CR1L: variants seen among roughly 807,000 people sequenced by gnomAD.
CR1L encodes complement C3b/C4b receptor 1 like.
Under a neutral mutation model 62.3 loss-of-function variants are expected in CR1L, and 59 were observed. That is an observed-to-expected ratio of 0.95 (90% CI 0.77 to 1.18). CR1L has a LOEUF of 1.18. CR1L is among the 50% of genes most tolerant of loss of function. The pLI, the probability that CR1L is intolerant of heterozygous loss-of-function variation, is 0.00. For synonymous variants in CR1L, 279 were observed against 248.7 expected (o/e 1.12, Z -1.15); for missense variants, 700 against 702.8 (o/e 1.00, Z 0.04).
chr1:207,707,002 T>C (rs1664277676), intron 9 of CR1L, among the ~76,000 whole-genome samples: 1 of 152,198 alleles, frequency 6.6e-6, no homozygotes, highest in African/African-American at 2.4e-5. Flanking sequence ...ATGAGTAGAC[T>C]GACTGTACAG....
intron 3 of CR1L, among the ~76,000 whole-genome samples, chr1:207,683,403 C>G (rs1289938728): frequency 6.6e-6 from 1 of 152,110 alleles, no homozygotes; most frequent in Non-Finnish European, 1.5e-5. Context: ...TCCAAACGTG[C>G]TGGGATTACA....
chr1:207,704,932 G>A (rs1282946164), intron 9 of CR1L, among the ~76,000 whole-genome samples: 12 of 152,160 alleles, frequency 7.9e-5, no homozygotes, highest in Admixed American at 7.2e-4. Context: ...CAAAATGGGT[G>A]GCTTAATACA....
Position 207,677,446 on chromosome 1 carries a change from A to T in CR1L, c.155A>T (p.Asp52Val), listed in dbSNP as rs373799944. Residue 52 changes from aspartate to valine, a missense_variant, in exon 2 of 12, where the codon GAC (aspartate) becomes GTC (valine). Physicochemically the swap from Asp to Val is radical, Grantham distance 152. Coordinates refer to ENST00000508064, the MANE Select transcript of CR1L (RefSeq NM_175710.2). ...GCCAGGCCTACCAACCTAACTGATG[A>T]CTTTGAGTTTCCCATTGGGACATAT... ...PFARPTNLTD[D>V]FEFPIGTYLN... 1,238 of 1,613,518 alleles carry T rather than the reference A, an allele frequency of 7.7e-4. 17 individuals are homozygous for T. In the South Asian group the frequency reaches 0.013, roughly 17 times the overall value.
chr1:207,669,491 C>A lies in CR1L; in HGVS notation c.98-7898C>A, dbSNP rs1421038999. On this transcript the variant is annotated intron_variant, in intron 1 of 11. Coordinates refer to ENST00000508064, the MANE Select transcript of CR1L (RefSeq NM_175710.2). The stretch of plus-strand genomic sequence containing the variant: ...AGCCGGGAGCCTGTTGGGCAGCCGG[C>A]GCCCGGTCTCCCCTTCTGCTGCGGA... The A allele has an allele frequency of 1.0e-5, 16 of 1,580,166 alleles. No homozygotes were observed. The Admixed American group carries it at 2.4e-4, about 24-fold the overall frequency.
At chr1:207,684,257 C>A (rs1663857666) in intron 4 of CR1L, among the ~76,000 whole-genome samples, 1 of 152,078 alleles carries the variant, frequency 6.6e-6, no homozygotes, top group Admixed American at 6.6e-5. Context: ...TAATAATCAT[C>A]CTGCTTGGCA....
At chr1:207,693,938 T>G (rs766316696) in intron 4 of CR1L, among the ~76,000 whole-genome samples, 1 of 152,178 alleles carries the variant, frequency 6.6e-6, no homozygotes, top group African/African-American at 2.4e-5. Flanking sequence ...TTTCCTACTG[T>G]GTATATTTGT....
chr1:207,694,914 A>T (rs1193963249), intron 5 of CR1L, among the ~76,000 whole-genome samples, 163 bp downstream of exon 5: 3 of 152,200 alleles, frequency 2.0e-5, no homozygotes, highest in Non-Finnish European at 4.4e-5. Context: ...GTACATGCAG[A>T]TGTGCTGAAA....
intron 4 of CR1L, among the ~76,000 whole-genome samples, chr1:207,692,520 C>A (rs201962807): frequency 1.7e-4 from 26 of 152,250 alleles, no homozygotes; most frequent in South Asian, 4.1e-4. Flanking sequence ...AGCGTCCCTG[C>A]CCTCTGTGCC....
chr1:207,703,365 G>T (rs915451503), intron 9 of CR1L, among the ~76,000 whole-genome samples: 5 of 152,156 alleles, frequency 3.3e-5, no homozygotes, highest in Admixed American at 1.3e-4. Flanking sequence ...AAGCCCTAGG[G>T]CCCTTAAGAA....
chr1:207,723,030 G>T (rs2102487119), intron 11 of CR1L, among the ~76,000 whole-genome samples: 1 of 152,214 alleles, frequency 6.6e-6, no homozygotes, highest in South Asian at 2.1e-4. Flanking sequence ...TACCAGAAGA[G>T]AATGTATCAA....
chr1:207,646,263 T>TA (rs1425481348), intron 1 of CR1L, among the ~76,000 whole-genome samples: 1 of 152,112 alleles, frequency 6.6e-6, no homozygotes, highest in Non-Finnish European at 1.5e-5. Context: ...TGAAGCAACC[T>TA]AAAAAACACT....
intron 1 of CR1L, among the ~76,000 whole-genome samples, chr1:207,646,369 G>A (rs1342632428): frequency 6.6e-6 from 1 of 152,064 alleles, no homozygotes; most frequent in Non-Finnish European, 1.5e-5. Flanking sequence ...GAAGCTTAAG[G>A]CCTATCCCAC....
chr1:207,646,625 C>T lies in CR1L; in HGVS notation c.97+1295C>T, dbSNP rs1471465103. Among the ~76,000 whole-genome samples the T allele has an allele frequency of 3.5e-5, 5 of 143,198 alleles. No individual in the cohort carries two copies. The Admixed American group carries it at 3.7e-4, about 11-fold the overall frequency. The allele number at this position is 143,198 out of a possible 152,430, so 93.9% of individuals were successfully genotyped here. On this transcript the variant is annotated intron_variant, in intron 1 of 11. Coordinates refer to ENST00000508064, the MANE Select transcript of CR1L (RefSeq NM_175710.2). ...ACTCCAGAGGCTGAGGTGGGAGGAT[C>T]GCTTGAGCCCAGGAGGAGAAGACTG...
intron 1 of CR1L, among the ~76,000 whole-genome samples, chr1:207,670,057 G>A (rs1663587035): frequency 1.3e-5 from 2 of 150,986 alleles, no homozygotes; most frequent in African/African-American, 5.0e-5. Flanking sequence ...TGCCTCAGTG[G>A]CATAAAGCCT....
In CR1L at chr1:207,717,638, G is replaced by T; in HGVS notation, c.1589G>T (p.Gly530Val). 6.2e-7 allele frequency: 1 copy of T among 1,613,986 alleles called. No homozygotes were observed. Among genetic ancestry groups the T allele is most frequent in the Non-Finnish European group, 8.5e-7 (1 of 1,179,894 alleles). The part of the protein sequence containing the change: ...STIRRTSEPH[G>V]NGVWSSPAPR... Reference sequence around the variant, plus strand: ...ATCCGCCGCACAAGTGAACCTCATGGGAATGGGGTTTGGAGCAGCCCTGCC... The same window carrying T: ...ATCCGCCGCACAAGTGAACCTCATGTGAATGGGGTTTGGAGCAGCCCTGCC... Residue 530 changes from glycine to valine, a missense_variant, in exon 11 of 12, where the codon GGG becomes GTG. Physicochemically the swap from Gly to Val is moderately radical, Grantham distance 109 (BLOSUM62 -3). Coordinates refer to ENST00000508064, the MANE Select transcript of CR1L (RefSeq NM_175710.2).
At chr1:207,703,651 A>C (rs530229371) in intron 9 of CR1L, among the ~76,000 whole-genome samples, 28 of 152,332 alleles carry the variant, frequency 1.8e-4, no homozygotes, top group South Asian at 1.2e-3. Context: ...AGTAATTTTG[A>C]CTTTGAAGTT....
At chr1:207,714,543 T>C (rs2102481805) in intron 10 of CR1L, among the ~76,000 whole-genome samples, 1 of 152,242 alleles carries the variant, frequency 6.6e-6, no homozygotes, top group South Asian at 2.1e-4. Context: ...CACTGTCAAG[T>C]GGTATTATTC....
At chr1:207,707,817 CACAT>C (rs746623131) in intron 9 of CR1L, among the ~76,000 whole-genome samples, 41 of 144,718 alleles carry the variant, frequency 2.8e-4, no homozygotes, top group East Asian at 5.8e-4. Flanking sequence ...CACACACACA[CACAT>C]ATTAAGGGAA....
At chr1:207,655,079 C>G (rs1388835612) in intron 1 of CR1L, 6 of 301,070 alleles carry the variant, frequency 2.0e-5, no homozygotes, top group Non-Finnish European at 2.0e-5. Context: ...TAAGAAACCA[C>G]CCCCCTCAAA....
Sources: allele counts gnomAD v4.1 joint callset (sites outside exome capture counted in the v4.1 genomes callset), GRCh38; gene constraint gnomAD v4.1.1; transcripts MANE v1.5; gene names NCBI Gene and HGNC (gene_info 2026-07-23, HGNC 2026-07-21).